The following INTS4 variants were observed in gnomAD, a reference collection of about 807,000 sequenced individuals.
INTS4 encodes the protein MSTP093.
Under a neutral mutation model 119.5 loss-of-function variants are expected in INTS4, and 70 were observed. The ratio of observed to expected loss-of-function variants is 0.59; its 90% confidence interval spans 0.48 to 0.71. The LOEUF is 0.71. INTS4 is among the 30% of genes least tolerant of loss of function. The pLI is 0.00. For missense variants in INTS4, 867 were observed against 1,173.2 expected (o/e 0.74, Z 3.81); for synonymous variants, 316 against 419.6 (o/e 0.75, Z 3.02).
At chr11:77,971,098 GC>G (rs529488724) in intron 4 of INTS4, among the ~76,000 whole-genome samples, 125 of 152,234 alleles carry the variant, frequency 8.2e-4, no homozygotes, top group African/African-American at 3.0e-3. Flanking sequence ...GTGAGCCACA[GC>G]ACCCAGCTCA....
intron 14 of INTS4, among the ~76,000 whole-genome samples, chr11:77,919,546 A>G (rs1565244054): frequency 6.6e-6 from 1 of 152,246 alleles, no homozygotes; most frequent in Non-Finnish European, 1.5e-5. Context: ...TCGGCCACCC[A>G]GAGTGCTGGG....
chr11:77,923,846 C>T (rs577295232), intron 12 of INTS4, among the ~76,000 whole-genome samples: 1 of 150,368 alleles, frequency 6.7e-6, no homozygotes, highest in African/African-American at 2.4e-5. Context: ...CTCACTGCAA[C>T]CTCTGCTTCC....
intron 10 of INTS4, among the ~76,000 whole-genome samples, chr11:77,928,795 G>A (rs1168018130): frequency 6.6e-6 from 1 of 152,140 alleles, no homozygotes; most frequent in African/African-American, 2.4e-5. Context: ...ATTACAGTTA[G>A]CCAAGGTCAT....
intron 22 of INTS4, among the ~76,000 whole-genome samples, chr11:77,880,136 A>G (rs958706427): frequency 6.6e-6 from 1 of 152,232 alleles, no homozygotes; most frequent in African/African-American, 2.4e-5. Flanking sequence ...TGTCTCCTTA[A>G]TTTGGTGCAA....
At chr11:77,958,321 A>T (rs1412686868) in intron 7 of INTS4, among the ~76,000 whole-genome samples, 1 of 152,068 alleles carries the variant, frequency 6.6e-6, no homozygotes, top group African/African-American at 2.4e-5. Context: ...TGGTTAATTT[A>T]ATTGCTGTGA....
At chr11:77,924,565 TA>T in intron 12 of INTS4, 184 bp downstream of exon 12, 1 of 561,366 alleles carries the variant, frequency 1.8e-6, no homozygotes, top group Non-Finnish European at 3.2e-6. Context: ...GTAAGTAATC[TA>T]AAATGTGATA....
At chr11:77,992,064 TC>T (rs1856711970) in intron 1 of INTS4, among the ~76,000 whole-genome samples, 2 of 151,954 alleles carry the variant, frequency 1.3e-5, no homozygotes, top group South Asian at 4.2e-4. Context: ...CCTCAAGTGA[TC>T]CCTCTGCTTC....
At chr11:77,979,241 C>T in intron 3 of INTS4, 139 bp from the exon 4 acceptor site, 1 of 522,062 alleles carries the variant, frequency 1.9e-6, no homozygotes, top group South Asian at 1.9e-5. Flanking sequence ...GAAGCCTAGG[C>T]AGGAGAATCC....
intron 4 of INTS4, among the ~76,000 whole-genome samples, chr11:77,963,908 C>T (rs772324762): frequency 5.3e-5 from 8 of 152,184 alleles, no homozygotes; most frequent in Non-Finnish European, 7.3e-5. Context: ...TGGTCTCAAA[C>T]TCTTGGGCTC....
intron 8 of INTS4, among the ~76,000 whole-genome samples, chr11:77,946,452 A>G (rs1353597100): frequency 6.6e-6 from 1 of 152,164 alleles, no homozygotes; most frequent in Non-Finnish European, 1.5e-5. Context: ...GAAACATGAC[A>G]CCCTCAAAGG....
rs1951683088 is a variant in INTS4, at chr11:77,878,876, GT to G, written c.*72del. ...AGCCTACACATCAATTCCAGGTGAA[GT>G]GCTTCAGGCTTGGCTCATTCTGACA... is the stretch of plus-strand genomic sequence containing the variant. On this transcript the variant is annotated 3_prime_UTR_variant, in exon 23 of 23. Coordinates refer to ENST00000534064, the MANE Select transcript of INTS4 (RefSeq NM_033547.4). 1 of 1,084,370 alleles carries G rather than the reference GT, an allele frequency of 9.2e-7. No homozygotes were observed. Among genetic ancestry groups the G allele is most frequent in the African/African-American group, 1.6e-5 (1 of 64,430 alleles). 67.2% of individuals were successfully genotyped at this position (1,084,370 alleles called of 1,614,324 possible). A position where few individuals can be genotyped will look rare whatever the true frequency, so the allele number is the denominator to read the frequency against.
intron 10 of INTS4, among the ~76,000 whole-genome samples, chr11:77,930,833 AAAAT>A (rs1953630094): frequency 6.6e-6 from 1 of 152,202 alleles, no homozygotes; most frequent in Non-Finnish European, 1.5e-5. Flanking sequence ...AAGTTAATTA[AAAAT>A]AAATAAATAA....
At chr11:77,975,532 T>C (rs1184497496) in intron 4 of INTS4, among the ~76,000 whole-genome samples, 2 of 152,156 alleles carry the variant, frequency 1.3e-5, no homozygotes, top group East Asian at 3.9e-4. Flanking sequence ...ATGATAGTCA[T>C]AAACCAAAAT....
At chr11:77,916,845 G>C (rs1006629350) in intron 15 of INTS4, among the ~76,000 whole-genome samples, 2 of 152,170 alleles carry the variant, frequency 1.3e-5, no homozygotes, top group Non-Finnish European at 2.9e-5. Flanking sequence ...TTATCAAATT[G>C]ATGATTTCTG....
chr11:77,990,433 C>G (rs763439015), intron 2 of INTS4, among the ~76,000 whole-genome samples: 1 of 151,920 alleles, frequency 6.6e-6, no homozygotes, highest in Non-Finnish European at 1.5e-5. Context: ...CGCCTGTAAT[C>G]CTAACACTTT....
chr11:77,956,430 G>T (rs1342599121), intron 7 of INTS4, among the ~76,000 whole-genome samples: 1 of 151,918 alleles, frequency 6.6e-6, no homozygotes, highest in Admixed American at 6.6e-5. Flanking sequence ...ATACAGTCTG[G>T]GCGCAATGGC....
rs1399497787 is a variant in INTS4, at chr11:77,961,103, C to T, written c.507G>A (p.Lys169=). 1.8e-5 allele frequency: 28 copies of T among 1,561,330 alleles called. No homozygotes were observed. Among genetic ancestry groups the T allele is most frequent in the Non-Finnish European group, 2.4e-5 (28 of 1,153,364 alleles). ...CAAGATTGCCAAGTAACTGCAGGCA[C>T]TTATTTCTTACACCATGAGACGTAT... ...LTDTSHGVRN[K]CLQLLGNLGS... Residue 169 remains lysine (K), a synonymous_variant, in exon 5 of 23, where the codon AAG becomes AAA. Transcript: ENST00000534064.
intron 16 of INTS4, among the ~76,000 whole-genome samples, chr11:77,906,156 T>C (rs1565235876): frequency 6.6e-6 from 1 of 152,350 alleles, no homozygotes; most frequent in Admixed American, 6.5e-5. Context: ...TTTAGGACTA[T>C]GATGTTCTGG....
At chr11:77,988,416 AAAC>A (rs1348976049) in intron 2 of INTS4, among the ~76,000 whole-genome samples, 52 of 152,242 alleles carry the variant, frequency 3.4e-4, no homozygotes, top group African/African-American at 1.3e-3. Flanking sequence ...GATTCTGTAG[AAAC>A]AACAATTAAA....
Sources: gnomAD v4.1 joint callset for allele counts (sites outside exome capture counted in the v4.1 genomes callset) on GRCh38, gnomAD v4.1.1 for gene constraint, MANE v1.5 for transcripts, NCBI Gene and HGNC (gene_info 2026-07-23, HGNC 2026-07-21) for gene names.